Variants in MAEA observed in about 807,000 individuals in gnomAD.
MAEA encodes macrophage erythroblast attacher, E3 ubiquitin ligase, also known as E3 ubiquitin-protein transferase MAEA.
Under a neutral mutation model 46.2 loss-of-function variants are expected in MAEA, and 22 were observed. The ratio of observed to expected loss-of-function variants is 0.48; its 90% confidence interval spans 0.34 to 0.68. The LOEUF is 0.68. Among genes scored for constraint, MAEA ranks in the 30% least tolerant of loss-of-function variants. The probability of loss-of-function intolerance (pLI) is 0.01; values close to 1 mark genes in which losing one functional copy is unlikely to be tolerated. For synonymous variants in MAEA, 246 were observed against 222.6 expected, an observed-to-expected ratio of 1.11 and a Z score of -0.94; for missense variants, 393 against 558.1, an observed-to-expected ratio of 0.70 and a Z score of 2.98.
In MAEA at chr4:1,311,286, T is replaced by C. The variant is rs1272934654; in HGVS notation, c.70-693T>C. Among the ~76,000 whole-genome samples the C allele has an allele frequency of 1.3e-5, 2 of 152,258 alleles. No homozygotes were observed. The highest frequency in any genetic ancestry group is 3.8e-4 in the East Asian group (2 of 5,198). ...GCCGGGGAGCGCTGGGGCGTGATTC[T>C]GTCGTGCCGCTTTCAAACCGTAGAG... On this transcript the variant is annotated intron_variant, in intron 1 of 8. Coordinates refer to ENST00000303400, the MANE Select transcript of MAEA (RefSeq NM_001017405.3). This position sits in a 1 kb window ranked among gnomAD's most constrained non-coding sequence, Gnocchi z 4.4.
intron 5 of MAEA, chr4:1,329,060 G>A: frequency 1.0e-6 from 1 of 985,786 alleles, no homozygotes; most frequent in Non-Finnish European, 1.2e-6. Flanking sequence ...TCCATCCCGA[G>A]TCAGCCTCCG....
At chr4:1,333,702 ACCC>A in intron 6 of MAEA, among the ~76,000 whole-genome samples, 1 of 16,892 alleles carries the variant, frequency 5.9e-5, no homozygotes, top group Non-Finnish European at 1.1e-4. Flanking sequence ...CCGTGTGCTC[ACCC>A]CCTTGCCCAC....
intron 1 of MAEA, among the ~76,000 whole-genome samples, chr4:1,292,036 C>T (rs1234228416): frequency 6.6e-6 from 1 of 152,176 alleles, no homozygotes; most frequent in African/African-American, 2.4e-5. Context: ...ACAGAACATG[C>T]TGAGCTCACA....
rs769853440 is a variant in MAEA at position 1,289,896 on chromosome 4, T to C, written c.-18T>C. 7 of 1,589,680 alleles carry C rather than the reference T, an allele frequency of 4.4e-6. No individual in the cohort carries two copies. The East Asian group carries it at 1.6e-4, about 37-fold the overall frequency. On this transcript the variant is annotated 5_prime_UTR_variant, in exon 1 of 9. The change abolishes an upstream ATG in the 5' untranslated region. Coordinates refer to ENST00000303400, the MANE Select transcript of MAEA (RefSeq NM_001017405.3). ...CGCTCGCGCGTCCCCCGCCCGCTAA[T>C]GTTTTGGCCGCTTCAAGATGGCGGT...
intron 7 of MAEA, 102 bp downstream of exon 7, chr4:1,337,096 C>T: frequency 1.4e-6 from 2 of 1,415,394 alleles, no homozygotes; most frequent in East Asian, 4.6e-5. Flanking sequence ...GTCCTCCCAC[C>T]ACAGACAGCC....
Position 1,328,903 on chromosome 4 carries a change from G to A in MAEA, c.656+1200G>A, listed in dbSNP as rs987748648. 1.7e-5 allele frequency: 17 copies of A among 1,014,020 alleles called. No homozygotes were observed. In the African/African-American group the frequency reaches 2.8e-4, roughly 16 times the overall value. The allele number at this position is 1,014,020 out of a possible 1,614,324, so 62.8% of individuals were successfully genotyped here. A position where few individuals can be genotyped will look rare whatever the true frequency, so the allele number is the denominator to read the frequency against. ...CTGAGAGGGCTAAAGCGGGGATCTC[G>A]GGACCCGGGCCAGTGGAGAGTGGCG... On this transcript the variant is annotated intron_variant, in intron 5 of 8. Coordinates refer to ENST00000303400, the MANE Select transcript of MAEA (RefSeq NM_001017405.3).
In MAEA at chr4:1,312,177, C is replaced by CG. The variant is rs779733621; in HGVS notation, c.252+18dup. The CG allele has an allele frequency of 1.7e-5, 27 of 1,613,462 alleles. No homozygotes were observed. Among genetic ancestry groups the CG allele is most frequent in the Non-Finnish European group, 2.3e-5 (27 of 1,179,926 alleles). On this transcript the variant is annotated intron_variant, in intron 2 of 8. Coordinates refer to ENST00000303400, the MANE Select transcript of MAEA (RefSeq NM_001017405.3). ...CAAGAGGAAGGTTGGTCCCGCCTGG[C>CG]GGTCCCTCTTCAGTCTGGGGCATGG...
At position 1,329,418 on chromosome 4, in the gene MAEA, T is replaced by C. The variant is rs999026635; in HGVS notation, c.656+1715T>C. 19 of 985,494 alleles carry C rather than the reference T, an allele frequency of 1.9e-5. 2 individuals carry two copies. Among genetic ancestry groups the C allele is most frequent in the East Asian group, 1.1e-4 (1 of 8,804 alleles). 61.0% of individuals were successfully genotyped at this position (985,494 alleles called of 1,614,324 possible). The stretch of plus-strand genomic sequence containing the variant: ...AATGTCTGAGCCGAGCTCAGAGCTG[T>C]GCCCTCTGCGGCCTCGTCTGTTGCA... On this transcript the variant is annotated intron_variant, in intron 5 of 8. Transcript: ENST00000303400.
intron 1 of MAEA, among the ~76,000 whole-genome samples, chr4:1,297,804 T>G (rs886923137): frequency 6.6e-6 from 1 of 152,270 alleles, no homozygotes. Context: ...ATCTCACTTT[T>G]GTCCACTTGC....
intron 7 of MAEA, 56 bp from the exon 8 acceptor site, chr4:1,338,365 TG>T: frequency 6.9e-7 from 1 of 1,449,970 alleles, no homozygotes. Flanking sequence ...CACAGGGGGC[TG>T]GGCTCACCCC....
chr4:1,320,104 A>G (rs555773975), intron 3 of MAEA, among the ~76,000 whole-genome samples: 2 of 151,284 alleles, frequency 1.3e-5, no homozygotes, highest in East Asian at 4.0e-4. Flanking sequence ...ATCAAAGCAA[A>G]CATGCAAGAA....
At chr4:1,291,003 G>A (rs540804156) in intron 1 of MAEA, among the ~76,000 whole-genome samples, 4 of 151,790 alleles carry the variant, frequency 2.6e-5, no homozygotes, top group East Asian at 3.9e-4. Flanking sequence ...GTCACCTCAG[G>A]GTGAAATGAG....
At chr4:1,326,727 G>T (rs1048678486) in intron 4 of MAEA, among the ~76,000 whole-genome samples, 4 of 150,878 alleles carry the variant, frequency 2.7e-5, no homozygotes, top group Admixed American at 6.6e-5. Context: ...CACGCGAGCC[G>T]CCCCTTGGCC....
intron 3 of MAEA, among the ~76,000 whole-genome samples, chr4:1,319,742 A>G: frequency 9.3e-6 from 1 of 107,478 alleles, no homozygotes; most frequent in Non-Finnish European, 1.8e-5. Context: ...CCTGTCTCAA[A>G]AAAAAAAAAA....
At chr4:1,338,768 A>C in intron 8 of MAEA, 151 bp downstream of exon 8, 1 of 845,936 alleles carries the variant, frequency 1.2e-6, no homozygotes. Context: ...CCAGGCTGGC[A>C]CGCGTCGCCA....
At chr4:1,301,051 T>A (rs1023148273) in intron 1 of MAEA, among the ~76,000 whole-genome samples, 38 of 152,220 alleles carry the variant, frequency 2.5e-4, no homozygotes, top group African/African-American at 8.9e-4. Context: ...GGCCCTGTGA[T>A]GAGCTTCGTG....
intron 2 of MAEA, among the ~76,000 whole-genome samples, chr4:1,314,911 C>G (rs2108919472): frequency 6.6e-6 from 1 of 152,322 alleles, no homozygotes; most frequent in Non-Finnish European, 1.5e-5. Flanking sequence ...TTCAGTTCCT[C>G]AGTTGCACCA....
At position 1,301,306 on chromosome 4, in the gene MAEA, C is replaced by T. The variant is rs11936508; in HGVS notation, c.70-10673C>T. ...AGGTGCAGACGTTTCACGCATGTCT[C>T]CACTCACACTGCTTGCCACATTCTG... On this transcript the variant is annotated intron_variant, in intron 1 of 8. Transcript: ENST00000303400. Among the ~76,000 whole-genome samples the T allele has an allele frequency of 5.5e-3, 835 of 152,322 alleles. 5 individuals carry two copies. Among genetic ancestry groups the T allele is most frequent in the African/African-American group, 0.018 (733 of 41,556 alleles).
chr4:1,319,452 T>C (rs1450310610), intron 3 of MAEA, among the ~76,000 whole-genome samples: 1 of 152,230 alleles, frequency 6.6e-6, no homozygotes, highest in East Asian at 1.9e-4. Flanking sequence ...TGCTGCCAGC[T>C]GGCCTCACAT....
Sources: gnomAD v4.1 joint callset for allele counts (sites outside exome capture counted in the v4.1 genomes callset) on GRCh38, gnomAD v4.1.1 for gene constraint, Gnocchi (gnomAD v3.1) non-coding constraint, MANE v1.5 for transcripts, NCBI Gene and HGNC (gene_info 2026-07-23, HGNC 2026-07-21) for gene names.